ST18: variants seen among roughly 807,000 people sequenced by gnomAD.
ST18 encodes suppression of tumorigenicity 18 protein.
In ST18, 50 loss-of-function variants were observed where a neutral mutation model predicts 110.0. The observed-to-expected ratio is 0.45, with a 90% CI of 0.36 to 0.58. The LOEUF (loss-of-function observed/expected upper bound fraction) is 0.58, where lower values mean the gene tolerates loss of function less well. Ranked by LOEUF, ST18 falls within the 20% of genes least tolerant of loss-of-function variation. The pLI is 0.00. For synonymous variants in ST18, 461 were observed against 452.4 expected, an observed-to-expected ratio of 1.02 and a Z score of -0.24; for missense variants, 1,306 against 1,280.1, an observed-to-expected ratio of 1.02 and a Z score of -0.31.
chr8:52,298,485 A>T (rs1403416436), intron 2 of ST18, among the ~76,000 whole-genome samples: 2 of 152,268 alleles, frequency 1.3e-5, no homozygotes, highest in Non-Finnish European at 2.9e-5. Context: ...AGATGTGACT[A>T]AAAGTTATAT....
chr8:52,409,809 C>G (rs1429807121), upstream of ST18: 1 of 152,258 alleles, frequency 6.6e-6, no homozygotes, highest in African/African-American at 2.4e-5. Context: ...ATTTACCAAC[C>G]GCACAAAGAA....
intron 25 of ST18, among the ~76,000 whole-genome samples, chr8:52,115,242 T>C (rs1048253924): frequency 1.3e-5 from 2 of 152,184 alleles, no homozygotes; most frequent in Non-Finnish European, 2.9e-5. Flanking sequence ...AATAATTTCA[T>C]ATATAAAATA....
At chr8:52,193,497 C>A (rs2075234583) in intron 8 of ST18, among the ~76,000 whole-genome samples, 1 of 152,228 alleles carries the variant, frequency 6.6e-6, no homozygotes, top group Non-Finnish European at 1.5e-5. Context: ...GCAGAGTTGG[C>A]TAAGCCTTCC....
At chr8:52,341,473 A>G (rs1464140650) in intron 2 of ST18, among the ~76,000 whole-genome samples, 1 of 152,234 alleles carries the variant, frequency 6.6e-6, no homozygotes, top group Admixed American at 6.5e-5. Flanking sequence ...ATCCCTGGAA[A>G]TGAAGACTGC....
chr8:52,179,399 T>C (rs1184230946), intron 9 of ST18, among the ~76,000 whole-genome samples: 1 of 152,188 alleles, frequency 6.6e-6, no homozygotes, highest in Non-Finnish European at 1.5e-5. Flanking sequence ...TTAACTAAAA[T>C]GTGCACCTAA....
chr8:52,179,505 A>G (rs1468075778), intron 9 of ST18, among the ~76,000 whole-genome samples: 1 of 152,222 alleles, frequency 6.6e-6, no homozygotes, highest in African/African-American at 2.4e-5. Flanking sequence ...GAAGAAGACT[A>G]GTCTGCCAAC....
chr8:52,225,246 A>G (rs575531654), intron 3 of ST18, among the ~76,000 whole-genome samples: 39 of 152,240 alleles, frequency 2.6e-4, no homozygotes, highest in Non-Finnish European at 4.3e-4. Flanking sequence ...TTTAAGTAAC[A>G]AAATAGCCCT....
intron 2 of ST18, among the ~76,000 whole-genome samples, chr8:52,327,662 T>G (rs1172880937): frequency 6.6e-6 from 1 of 152,188 alleles, no homozygotes; most frequent in Non-Finnish European, 1.5e-5. Context: ...GACCAGTAAT[T>G]GTTGCAGAAG....
intron 8 of ST18, among the ~76,000 whole-genome samples, chr8:52,196,888 C>G (rs1219277234): frequency 6.6e-6 from 1 of 152,166 alleles, no homozygotes; most frequent in African/African-American, 2.4e-5. Context: ...CTTCTAGGCA[C>G]TGTGGAAACA....
chr8:52,178,613 T>A (rs1441673168), intron 9 of ST18, among the ~76,000 whole-genome samples: 5 of 6,930 alleles, frequency 7.2e-4, no homozygotes, highest in African/African-American at 9.9e-4. Flanking sequence ...TGAGACTCCA[T>A]CAAAAAAAAA....
intron 2 of ST18, among the ~76,000 whole-genome samples, chr8:52,282,097 A>G (rs1210200434): frequency 1.3e-5 from 2 of 152,194 alleles, no homozygotes; most frequent in African/African-American, 2.4e-5. Flanking sequence ...CCAGAGCATT[A>G]CAAAGATATG....
At chr8:52,248,228 G>C (rs950290255) in intron 2 of ST18, among the ~76,000 whole-genome samples, 1 of 152,044 alleles carries the variant, frequency 6.6e-6, no homozygotes, top group East Asian at 1.9e-4. Context: ...TATAAGTAAT[G>C]AAAGTTAGCA....
At chr8:52,310,395 CCT>C (rs1242034578) in intron 2 of ST18, among the ~76,000 whole-genome samples, 22 of 67,160 alleles carry the variant, frequency 3.3e-4, no homozygotes, top group African/African-American at 1.4e-3. Context: ...GTCTTTTATT[CCT>C]TTATTCCCCT....
chr8:52,212,111 T>A lies in ST18; in HGVS notation c.56-2A>T. ...CCTGGATTAGTGAATCCATTGGCAC[T>A]GTTGACAAAAGAAGAAAAAAAAGAA... On this transcript the variant is annotated splice_acceptor_variant, in intron 7 of 25. Transcript: ENST00000689386. LOFTEE classifies it high-confidence loss of function. 6.3e-7 allele frequency: 1 copy of A among 1,599,212 alleles called. No individual in the cohort carries two copies. The highest frequency in any genetic ancestry group is 8.5e-7 in the Non-Finnish European group (1 of 1,176,872).
chr8:52,220,512 C>T (rs192032253), intron 5 of ST18: 1 of 152,152 alleles, frequency 6.6e-6, no homozygotes, highest in East Asian at 1.9e-4. Flanking sequence ...AATCAATATG[C>T]AAAACGGTTT....
chr8:52,317,126 T>C (rs998844994), intron 2 of ST18, among the ~76,000 whole-genome samples: 1 of 152,228 alleles, frequency 6.6e-6, no homozygotes, highest in Non-Finnish European at 1.5e-5. Context: ...CCTGTAGTGG[T>C]TTGAATGGTC....
chr8:52,167,663 T>A (rs1018264150), intron 10 of ST18, among the ~76,000 whole-genome samples: 3 of 152,190 alleles, frequency 2.0e-5, no homozygotes, highest in African/African-American at 7.2e-5. Flanking sequence ...ATGCAGAATC[T>A]GAAAACTGAG....
At chr8:52,281,020 A>T (rs989644442) in intron 2 of ST18, among the ~76,000 whole-genome samples, 1 of 152,182 alleles carries the variant, frequency 6.6e-6, no homozygotes, top group African/African-American at 2.4e-5. Context: ...TTAGAAATCA[A>T]TAACAAAGAG....
intron 15 of ST18, among the ~76,000 whole-genome samples, chr8:52,151,769 A>C (rs2058872623): frequency 6.6e-6 from 1 of 152,148 alleles, no homozygotes; most frequent in African/African-American, 2.4e-5. Flanking sequence ...AGTTGCTGAC[A>C]TTTTTCATAA....
Sources: allele counts gnomAD v4.1 joint callset (sites outside exome capture counted in the v4.1 genomes callset), GRCh38; gene constraint gnomAD v4.1.1; transcripts MANE v1.5; gene names NCBI Gene and HGNC (gene_info 2026-07-23, HGNC 2026-07-21).